The following RAB28 variants were observed in gnomAD, a reference collection of about 807,000 sequenced individuals.
RAB28 encodes RAB28, member RAS oncogene family.
RAB28 carries 24 observed loss-of-function variants against 31.7 expected under a neutral mutation model. The observed-to-expected ratio is 0.76, with a 90% CI of 0.55 to 1.06. The LOEUF is 1.06. RAB28 is among the 50% of genes least tolerant of loss of function. The pLI is 0.00. For synonymous variants in RAB28, 100 were observed against 90.4 expected, an observed-to-expected ratio of 1.11 and a Z score of -0.60; for missense variants, 254 against 258.5, an observed-to-expected ratio of 0.98 and a Z score of 0.12.
intron 1 of RAB28, among the ~76,000 whole-genome samples, chr4:13,483,607 G>A (rs1384405706): frequency 1.3e-5 from 2 of 152,180 alleles, no homozygotes; most frequent in Non-Finnish European, 2.9e-5. Flanking sequence ...GCCCTCCAAT[G>A]ACCCGACGAC....
At chr4:13,475,727 T>C (rs977811978) in intron 2 of RAB28, among the ~76,000 whole-genome samples, 1 of 151,546 alleles carries the variant, frequency 6.6e-6, no homozygotes. Context: ...CTTAGACTAA[T>C]GACTAAAATG....
At chr4:13,460,402 A>G (rs1270088349) in intron 4 of RAB28, among the ~76,000 whole-genome samples, 5 of 152,108 alleles carry the variant, frequency 3.3e-5, no homozygotes, top group Non-Finnish European at 7.4e-5. Context: ...TTAAATAGAG[A>G]CAAGGGTCTC....
chr4:13,378,063 TAA>T (rs955846408), intron 5 of RAB28, among the ~76,000 whole-genome samples: 5 of 152,106 alleles, frequency 3.3e-5, no homozygotes, highest in African/African-American at 4.8e-5. Flanking sequence ...CAGTTGGATA[TAA>T]GAGTCTACAG....
chr4:13,407,679 C>T (rs1712184192), intron 4 of RAB28, among the ~76,000 whole-genome samples: 2 of 152,140 alleles, frequency 1.3e-5, no homozygotes, highest in South Asian at 4.1e-4. Flanking sequence ...CCTCTCATTT[C>T]CTTAAGCAGT....
At chr4:13,472,847 A>AAAT (rs1402231925) in intron 3 of RAB28, among the ~76,000 whole-genome samples, 2 of 151,700 alleles carry the variant, frequency 1.3e-5, no homozygotes, top group African/African-American at 4.8e-5. Flanking sequence ...ATAAATAAAT[A>AAAT]AAACAAAAAA....
chr4:13,432,670 T>C (rs1253052843), intron 4 of RAB28, among the ~76,000 whole-genome samples: 1 of 152,160 alleles, frequency 6.6e-6, no homozygotes, highest in Non-Finnish European at 1.5e-5. Context: ...CAGTCAAGAA[T>C]GTCATATCTC....
At chr4:13,450,116 C>T (rs1364378883) in intron 4 of RAB28, among the ~76,000 whole-genome samples, 1 of 150,942 alleles carries the variant, frequency 6.6e-6, no homozygotes, top group African/African-American at 2.4e-5. Context: ...TCAATTATAC[C>T]CTTGCCTGAA....
At position 13,400,305 on chromosome 4, in the gene RAB28, G is replaced by C. The variant is rs1470141407; in HGVS notation, c.392-18711C>G. On this transcript the variant is annotated intron_variant, in intron 4 of 6. Transcript: ENST00000330852. The stretch of plus-strand genomic sequence containing the variant: ...TTCTCAGAAGCATATTCTTATTCTT[G>C]GATTTTTCATCTTCCCTATACATTT... 2.0e-5 allele frequency among the ~76,000 whole-genome samples: 3 copies of C among 151,952 alleles called. No individual in the cohort carries two copies. In the East Asian group the frequency reaches 5.8e-4, roughly 29 times the overall value.
chr4:13,428,051 G>A (rs146155681), intron 4 of RAB28, among the ~76,000 whole-genome samples: 190 of 152,252 alleles, frequency 1.2e-3, no homozygotes, highest in African/African-American at 4.4e-3. Context: ...ATAACTGGGG[G>A]CTGCATGCAT....
intron 4 of RAB28, among the ~76,000 whole-genome samples, chr4:13,444,048 G>A (rs1714562555): frequency 7.1e-6 from 1 of 140,106 alleles, no homozygotes; most frequent in Non-Finnish European, 1.5e-5. Context: ...TTTTTATCAT[G>A]ACGGAGTCTC....
intron 4 of RAB28, among the ~76,000 whole-genome samples, chr4:13,455,166 C>T (rs995117519): frequency 1.4e-4 from 22 of 152,086 alleles, no homozygotes; most frequent in Admixed American, 2.6e-4. Context: ...CACAGATGCT[C>T]GGTCAGCCTG....
At position 13,376,600 on chromosome 4, in the gene RAB28, A is replaced by G. The variant is rs1728932168; in HGVS notation, c.518T>C (p.Val173Ala). Reference sequence around the variant, plus strand: ...TTTGATCCCAAGGATTTCAGCAGCAACTTTCTGAAAGCACAGGAAGACCTA... The same window carrying G: ...TTTGATCCCAAGGATTTCAGCAGCAGCTTTCTGAAAGCACAGGAAGACCTA... ...GDSVFLCFQK[V>A]AAEILGIKLN... Residue 173 changes from valine (V) to alanine (A), a missense_variant, in exon 6 of 7, where the codon GTT becomes GCT. Coordinates refer to ENST00000330852, the MANE Select transcript of RAB28 (RefSeq NM_001017979.3). 2.5e-6 allele frequency: 4 copies of G among 1,603,412 alleles called. No homozygotes were observed. The highest frequency in any genetic ancestry group is 3.4e-6 in the Non-Finnish European group (4 of 1,175,770).
chr4:13,443,042 G>C (rs1178760318), intron 4 of RAB28, among the ~76,000 whole-genome samples: 1 of 152,152 alleles, frequency 6.6e-6, no homozygotes, highest in African/African-American at 2.4e-5. Flanking sequence ...TTTTAAACTT[G>C]AAATTTTGAA....
At chr4:13,462,468 T>C (rs1715636285) in intron 3 of RAB28, among the ~76,000 whole-genome samples, 1 of 152,170 alleles carries the variant, frequency 6.6e-6, no homozygotes, top group African/African-American at 2.4e-5. Context: ...ATACATAATT[T>C]TTCATTGTAA....
intron 6 of RAB28, among the ~76,000 whole-genome samples, chr4:13,374,392 TGAGGGAC>T (rs1728840453): frequency 6.6e-6 from 1 of 152,118 alleles, no homozygotes; most frequent in Admixed American, 6.6e-5. Flanking sequence ...TCTTGCAACA[TGAGGGAC>T]CTAATGTTAA....
intron 2 of RAB28, among the ~76,000 whole-genome samples, chr4:13,475,622 C>A (rs1436045468): frequency 6.6e-6 from 1 of 151,490 alleles, no homozygotes; most frequent in Non-Finnish European, 1.5e-5. Flanking sequence ...GTTCCATCTG[C>A]CACTGCGCAG....
chr4:13,382,199 TG>T (rs1247010604), intron 4 of RAB28, among the ~76,000 whole-genome samples: 1 of 152,214 alleles, frequency 6.6e-6, no homozygotes, highest in Non-Finnish European at 1.5e-5. Context: ...GGGGCAAGGA[TG>T]TATTTCCTTA....
chr4:13,407,154 T>A (rs540026372), intron 4 of RAB28, among the ~76,000 whole-genome samples: 6 of 152,360 alleles, frequency 3.9e-5, no homozygotes, highest in African/African-American at 1.4e-4. Flanking sequence ...AACATTTAAG[T>A]CTTTAATCAT....
chr4:13,475,038 T>C (rs1716289478), intron 2 of RAB28, among the ~76,000 whole-genome samples: 2 of 151,690 alleles, frequency 1.3e-5, no homozygotes, highest in Admixed American at 6.6e-5. Flanking sequence ...ATACATACCA[T>C]GTATATCACT....
Sources: allele counts gnomAD v4.1 joint callset (sites outside exome capture counted in the v4.1 genomes callset), GRCh38; gene constraint gnomAD v4.1.1; transcripts MANE v1.5; gene names NCBI Gene and HGNC (gene_info 2026-07-23, HGNC 2026-07-21).